The following USP49 variants were observed in gnomAD, a reference collection of about 807,000 sequenced individuals.
USP49 encodes ubiquitin carboxyl-terminal hydrolase 49.
A neutral mutation model predicts 58.6 loss-of-function variants in USP49; 24 were observed. The ratio of observed to expected loss-of-function variants is 0.41; its 90% CI spans 0.30 to 0.58. The LOEUF (loss-of-function observed/expected upper bound fraction) is 0.58, where lower values mean the gene tolerates loss of function less well. Among genes scored for constraint, USP49 ranks in the 20% least tolerant of loss-of-function variants. The probability of loss-of-function intolerance (pLI) is 0.30; values close to 1 mark genes in which losing one functional copy is unlikely to be tolerated. For missense variants in USP49, 703 were observed against 866.1 expected, an observed-to-expected ratio of 0.81 and a Z score of 2.36; for synonymous variants, 408 against 365.1, an observed-to-expected ratio of 1.12 and a Z score of -1.34.
At chr6:41,812,536 A>G (rs1773276886) in intron 3 of USP49, among the ~76,000 whole-genome samples, 1 of 151,842 alleles carries the variant, frequency 6.6e-6, no homozygotes, top group Non-Finnish European at 1.5e-5. Context: ...TACTAAAAAT[A>G]CAAAAAAATA....
intron 3 of USP49, among the ~76,000 whole-genome samples, chr6:41,854,043 G>A (rs143034904): frequency 1.4e-3 from 204 of 147,918 alleles, no homozygotes; most frequent in African/African-American, 5.0e-3. Context: ...TAGGCCAGGA[G>A]GGGTGGCTCA....
In USP49 at chr6:41,805,760, C is replaced by T. The variant is rs1773103821; in HGVS notation, c.1224G>A (p.Leu408=). The T allele has an allele frequency of 1.9e-6, 3 of 1,613,970 alleles. No individual in the cohort carries two copies. The highest frequency in any genetic ancestry group is 1.1e-5 in the South Asian group (1 of 91,084). The part of the protein sequence containing the change: ...QDAQEFLCEL[L]HKVQQELESE... ...ACTCGAGTTCCTGCTGCACCTTGTG[C>T]AGCAGCTCGCAGAGAAATTCCTGCG... The change falls in exon 4 of 8, where the codon CTG becomes CTA. Residue 408 remains leucine, a synonymous_variant. Coordinates refer to ENST00000682992, the MANE Select transcript of USP49 (RefSeq NM_001286554.2).
chr6:41,868,420 C>T lies in USP49; in HGVS notation c.-29+3144G>A, dbSNP rs12178467. Among the ~76,000 whole-genome samples the T allele has an allele frequency of 6.5e-3, 991 of 152,246 alleles. 8 individuals are homozygous for T. The highest frequency in any genetic ancestry group is 0.02 in the African/African-American group (822 of 41,546). Reference sequence around the variant, plus strand: ...TTGGCTCACTGCAACCTCCGCCTCCCGGGTTCAAGTGATTCTCCTGCTTCA... The same window carrying T: ...TTGGCTCACTGCAACCTCCGCCTCCTGGGTTCAAGTGATTCTCCTGCTTCA... On this transcript the variant is annotated intron_variant, in intron 3 of 7. Coordinates refer to ENST00000682992, the MANE Select transcript of USP49 (RefSeq NM_001286554.2).
intron 2 of USP49, among the ~76,000 whole-genome samples, chr6:41,885,684 A>T (rs1468920022): frequency 6.6e-6 from 1 of 152,194 alleles, no homozygotes; most frequent in Admixed American, 6.5e-5. Context: ...CTGTAGTCCC[A>T]GCTACTGAGG....
intron 3 of USP49, among the ~76,000 whole-genome samples, chr6:41,818,716 C>T (rs1358989735): frequency 1.3e-5 from 2 of 152,186 alleles, no homozygotes; most frequent in East Asian, 3.8e-4. Flanking sequence ...CATGAATGTT[C>T]CAACCAATGG....
intron 3 of USP49, among the ~76,000 whole-genome samples, chr6:41,825,139 T>C (rs1452982457): frequency 4.6e-5 from 7 of 152,198 alleles, no homozygotes; most frequent in Admixed American, 6.5e-5. Context: ...TTTTAAAATA[T>C]CAACCTCCTG....
intron 3 of USP49, among the ~76,000 whole-genome samples, chr6:41,843,913 G>A (rs938580219): frequency 8.5e-5 from 13 of 152,220 alleles, no homozygotes; most frequent in East Asian, 3.9e-4. Flanking sequence ...GCCTGGTGGC[G>A]GGTGCGTGTA....
intron 3 of USP49, among the ~76,000 whole-genome samples, chr6:41,848,854 TA>T (rs80133968): frequency 0.024 from 3,127 of 132,552 alleles, 57 homozygotes; most frequent in African/African-American, 0.058. Flanking sequence ...AGACACCGTC[TA>T]AAAAAAAAAA....
intron 3 of USP49, among the ~76,000 whole-genome samples, chr6:41,812,294 G>C (rs1773271377): frequency 6.6e-6 from 1 of 151,592 alleles, no homozygotes; most frequent in African/African-American, 2.4e-5. Context: ...GGTCAGGCTG[G>C]TCTTGAACTC....
intron 3 of USP49, among the ~76,000 whole-genome samples, chr6:41,822,584 A>G (rs1158749459): frequency 6.6e-6 from 1 of 152,198 alleles, no homozygotes; most frequent in African/African-American, 2.4e-5. Context: ...ACGGTGGCTC[A>G]TGCCTGTAAT....
chr6:41,834,953 C>A (rs569568583), intron 3 of USP49, among the ~76,000 whole-genome samples: 1 of 151,970 alleles, frequency 6.6e-6, no homozygotes, highest in Non-Finnish European at 1.5e-5. Flanking sequence ...TGATTGTATT[C>A]AAGAAATAGG....
chr6:41,827,761 C>T (rs1278103773), intron 3 of USP49, among the ~76,000 whole-genome samples: 1 of 150,976 alleles, frequency 6.6e-6, no homozygotes, highest in Admixed American at 6.6e-5. Flanking sequence ...ATAATTAAAT[C>T]AGCTATCATT....
chr6:41,808,023 C>T (rs1208119845), intron 3 of USP49, among the ~76,000 whole-genome samples: 1 of 152,090 alleles, frequency 6.6e-6, no homozygotes, highest in Non-Finnish European at 1.5e-5. Context: ...ATGATCTGCC[C>T]GCCTCAGCCT....
chr6:41,851,291 T>C (rs775362107), intron 3 of USP49, among the ~76,000 whole-genome samples: 5 of 152,324 alleles, frequency 3.3e-5, no homozygotes, highest in Admixed American at 6.5e-5. Flanking sequence ...ATATTATCAA[T>C]AAGTAGGACT....
At position 41,798,816 on chromosome 6, in the gene USP49, G is replaced by T. The variant is rs1487714042; in HGVS notation, c.1784C>A (p.Thr595Asn). 1 of 1,613,916 alleles carries T rather than the reference G, an allele frequency of 6.2e-7. No individual in the cohort carries two copies. Among genetic ancestry groups the T allele is most frequent in the Non-Finnish European group, 8.5e-7 (1 of 1,179,992 alleles). ...CACTGCGGAGAGATCATAGGCAAAG[G>T]TCTCTTTGTCAAGAGAGGAGAGCAT... ...RDMLSSLDKE[T>N]FAYDLSAVVM... is the part of the protein sequence containing the mutation. Residue 595 changes from threonine to asparagine, a missense_variant, in exon 7 of 8, where the codon ACC becomes AAC. By Grantham distance (65) the Thr-to-Asn change is moderately conservative. Transcript: ENST00000682992.
At chr6:41,798,459 A>G in intron 7 of USP49, 2 of 873,408 alleles carry the variant, frequency 2.3e-6, no homozygotes, top group Non-Finnish European at 3.2e-6. Flanking sequence ...CTATTTTAGT[A>G]GAGACGGGGT....
At chr6:41,884,914 T>C (rs1774682379) in intron 2 of USP49, among the ~76,000 whole-genome samples, 1 of 152,226 alleles carries the variant, frequency 6.6e-6, no homozygotes, top group South Asian at 2.1e-4. Flanking sequence ...ACCTTGAAGT[T>C]CTTTAAATGA....
chr6:41,832,319 T>A (rs564284837), intron 3 of USP49, among the ~76,000 whole-genome samples: 1 of 152,378 alleles, frequency 6.6e-6, no homozygotes, highest in Non-Finnish European at 1.5e-5. Context: ...TCATTTAACC[T>A]ATTCTCTCCC....
intron 2 of USP49, among the ~76,000 whole-genome samples, chr6:41,875,355 C>T (rs1251393124): frequency 2.0e-5 from 3 of 152,114 alleles, no homozygotes; most frequent in Non-Finnish European, 4.4e-5. Flanking sequence ...TGGCACATTC[C>T]AAACTATAAA....
Sources: gnomAD v4.1 joint callset for allele counts (sites outside exome capture counted in the v4.1 genomes callset) on GRCh38, gnomAD v4.1.1 for gene constraint, MANE v1.5 for transcripts, NCBI Gene and HGNC (gene_info 2026-07-23, HGNC 2026-07-21) for gene names.